CPLX2: variants seen among roughly 807,000 people sequenced by gnomAD.
CPLX2 encodes the protein complexin-2.
Under a neutral mutation model 16.3 loss-of-function variants are expected in CPLX2, and 5 were observed. That is an observed-to-expected ratio of 0.31 (90% CI 0.16 to 0.64). The LOEUF (loss-of-function observed/expected upper bound fraction) is 0.64, where lower values mean the gene tolerates loss of function less well. CPLX2 is among the 30% of genes least tolerant of loss of function. CPLX2 has a pLI of 0.79. For synonymous variants in CPLX2, 89 were observed against 73.2 expected (o/e 1.22, Z -1.10); for missense variants, 144 against 181.4 (o/e 0.79, Z 1.18).
At chr5:175,832,604 G>A (rs1265180357) in intron 2 of CPLX2, among the ~76,000 whole-genome samples, 3 of 152,188 alleles carry the variant, frequency 2.0e-5, no homozygotes, top group Non-Finnish European at 2.9e-5. Context: ...AAGGCAGTAG[G>A]GAGATTGTCT....
upstream of CPLX2, among the ~76,000 whole-genome samples, chr5:175,867,212 C>A (rs934623180): frequency 6.6e-6 from 1 of 152,126 alleles, no homozygotes; most frequent in Admixed American, 6.5e-5. Context: ...CTATCTGTGA[C>A]ACATTTTGCC....
chr5:175,860,460 GAAAGAGAGAGAGAGAAAGAAGA>G (rs1202316155), intron 2 of CPLX2, among the ~76,000 whole-genome samples: 5 of 146,518 alleles, frequency 3.4e-5, no homozygotes, highest in African/African-American at 7.6e-5. Context: ...GAGAGAGAAA[GAAAGAGAGAGAGAGAAAGAAGA>G]AAGAAAGAAA....
At chr5:175,854,747 C>G (rs1466991112) in intron 2 of CPLX2, among the ~76,000 whole-genome samples, 1 of 152,166 alleles carries the variant, frequency 6.6e-6, no homozygotes, top group Admixed American at 6.5e-5. Context: ...TACGAGACAG[C>G]AGAGCCAGAG....
rs919652903 is a variant in CPLX2 at position 175,871,723 on chromosome 5, G to A, written c.-89+18G>A. The A allele has an allele frequency of 9.2e-5, 14 of 152,814 alleles. No individual in the cohort carries two copies. Among genetic ancestry groups the A allele is most frequent in the South Asian group, 6.2e-4 (3 of 4,840 alleles). The allele number at this position is 152,814 out of a possible 1,614,324, so 9.5% of individuals were successfully genotyped here. A position where few individuals can be genotyped will look rare whatever the true frequency, so the allele number is the denominator to read the frequency against. On this transcript the variant is annotated intron_variant, in intron 1 of 3. Transcript: ENST00000393745. ...ACCGCCAGGTCGGTGCTGGCCGAGG[G>A]CCGGGAGGGCGGAGCTGGGCTGTGG... is the stretch of plus-strand genomic sequence containing the variant.
intron 2 of CPLX2, among the ~76,000 whole-genome samples, chr5:175,812,831 G>A (rs911666401): frequency 1.3e-5 from 2 of 152,180 alleles, no homozygotes; most frequent in Non-Finnish European, 2.9e-5. Context: ...CAAAAGCTTC[G>A]CTTTTATCTG....
Position 175,879,024 on chromosome 5 carries a change from G to A in CPLX2, c.148G>A (p.Ala50Thr). The change falls in exon 3 of 4, where the codon GCC becomes ACC. Residue 50 changes from alanine to threonine, a missense_variant. Coordinates refer to ENST00000393745, the MANE Select transcript of CPLX2 (RefSeq NM_001008220.2). ...GCGGCAGCAGGAGGAGGAGCGTAAG[G>A]CCAAGCACGCGCGCATGGAGGCGGA... is the stretch of plus-strand genomic sequence containing the variant. ...ALRQQEEERK[A>T]KHARMEAERE... 6.3e-7 allele frequency: 1 copy of A among 1,594,320 alleles called. No individual in the cohort carries two copies. The highest frequency in any genetic ancestry group is 8.5e-7 in the Non-Finnish European group (1 of 1,170,872).
upstream of CPLX2, among the ~76,000 whole-genome samples, chr5:175,867,260 G>GCA (rs1759494183): frequency 6.6e-6 from 1 of 151,872 alleles, no homozygotes; most frequent in Non-Finnish European, 1.5e-5. Context: ...ACTCCTGGCT[G>GCA]CACACACACA....
intron 2 of CPLX2, among the ~76,000 whole-genome samples, chr5:175,833,295 C>T (rs1315912621): frequency 6.6e-6 from 1 of 152,064 alleles, no homozygotes; most frequent in Non-Finnish European, 1.5e-5. Flanking sequence ...TAGGAATTGC[C>T]ACCCTGATTT....
At chr5:175,865,884 C>T (rs1426815948) in intron 2 of CPLX2, among the ~76,000 whole-genome samples, 3 of 152,218 alleles carry the variant, frequency 2.0e-5, no homozygotes, top group African/African-American at 7.2e-5. Context: ...TCCCCCACTC[C>T]AGTGGTTCTG....
chr5:175,863,887 A>G (rs1759414951), intron 2 of CPLX2, among the ~76,000 whole-genome samples: 1 of 152,204 alleles, frequency 6.6e-6, no homozygotes, highest in African/African-American at 2.4e-5. Flanking sequence ...GAAAAGGGGT[A>G]AAAAGAAGAA....
chr5:175,815,737 G>A (rs1390576982), intron 2 of CPLX2, among the ~76,000 whole-genome samples: 1 of 152,104 alleles, frequency 6.6e-6, no homozygotes, highest in African/African-American at 2.4e-5. Flanking sequence ...CCCTCCCTCT[G>A]CCTTGCCACC....
chr5:175,860,727 T>A (rs1455398325), intron 2 of CPLX2, among the ~76,000 whole-genome samples: 1 of 152,042 alleles, frequency 6.6e-6, no homozygotes, highest in Non-Finnish European at 1.5e-5. Flanking sequence ...CTAGAGCCAA[T>A]CACCATGGCC....
intron 2 of CPLX2, among the ~76,000 whole-genome samples, chr5:175,843,686 C>T (rs1048412858): frequency 2.6e-5 from 4 of 152,252 alleles, no homozygotes; most frequent in Non-Finnish European, 4.4e-5. Context: ...AGGGAGCAGG[C>T]AGGGCCTGGG....
At chr5:175,817,188 A>C (rs988076945) in intron 2 of CPLX2, among the ~76,000 whole-genome samples, 4 of 152,240 alleles carry the variant, frequency 2.6e-5, no homozygotes, top group African/African-American at 9.6e-5. Context: ...TTTGGGATGG[A>C]ATCACAGGAT....
chr5:175,849,241 A>G lies in CPLX2; in HGVS notation c.-88-29411A>G, dbSNP rs185610093. ...TTGTTTGGGTGGCACTGACCTGTCC[A>G]TTGTCACCAGCCAGCAGCTCAAAGG... On this transcript the variant is annotated intron_variant, in intron 2 of 4. Transcript: ENST00000359546. This position sits in a 1 kb window ranked among gnomAD's most constrained non-coding sequence, Gnocchi z 4.4. Among the ~76,000 whole-genome samples the G allele has an allele frequency of 6.6e-6, 1 of 152,262 alleles. No individual in the cohort carries two copies. Among genetic ancestry groups the G allele is most frequent in the East Asian group, 1.9e-4 (1 of 5,162 alleles).
chr5:175,853,146 G>A (rs1298940604), intron 2 of CPLX2, among the ~76,000 whole-genome samples: 2 of 152,234 alleles, frequency 1.3e-5, no homozygotes, highest in African/African-American at 4.8e-5. Context: ...GTGCCCATGT[G>A]AGGTTTCTTT....
chr5:175,869,285 G>A (rs888544812), upstream of CPLX2, among the ~76,000 whole-genome samples: 2 of 152,216 alleles, frequency 1.3e-5, no homozygotes, highest in Admixed American at 6.5e-5. Context: ...GTTCATGTCA[G>A]CTTAGGCAGT....
intron 2 of CPLX2, among the ~76,000 whole-genome samples, chr5:175,863,917 C>T (rs941058834): frequency 6.6e-6 from 1 of 152,174 alleles, no homozygotes; most frequent in Non-Finnish European, 1.5e-5. Context: ...CCCCCATTTT[C>T]CTCTAAGCTT....
At chr5:175,838,548 G>A (rs1164499110) in intron 2 of CPLX2, among the ~76,000 whole-genome samples, 5 of 152,100 alleles carry the variant, frequency 3.3e-5, no homozygotes, top group East Asian at 3.9e-4. Flanking sequence ...GTGAGCCACC[G>A]CGCCCGGCCC....
Sources: gnomAD v4.1 joint callset for allele counts (sites outside exome capture counted in the v4.1 genomes callset) on GRCh38, gnomAD v4.1.1 for gene constraint, Gnocchi (gnomAD v3.1) non-coding constraint, MANE v1.5 for transcripts, NCBI Gene and HGNC (gene_info 2026-07-23, HGNC 2026-07-21) for gene names.